The following PSTPIP1 variants were observed in gnomAD, a reference collection of about 807,000 sequenced individuals.
PSTPIP1 encodes proline-serine-threonine phosphatase interacting protein 1.
PSTPIP1 carries 66 observed loss-of-function variants against 69.6 expected under a neutral mutation model. That is an observed-to-expected ratio of 0.95 (90% CI 0.78 to 1.16). PSTPIP1 has a LOEUF of 1.16. Ranked by LOEUF, PSTPIP1 falls within the 50% of genes most tolerant of loss-of-function variation. The probability of loss-of-function intolerance (pLI) is 0.00; values close to 1 mark genes in which losing one functional copy is unlikely to be tolerated. For synonymous variants in PSTPIP1, 266 were observed against 222.7 expected, an observed-to-expected ratio of 1.19 and a Z score of -1.73; for missense variants, 603 against 557.4, an observed-to-expected ratio of 1.08 and a Z score of -0.82.
At position 77,003,422 on chromosome 15, in the gene PSTPIP1, G is replaced by A. The variant is rs555495834; in HGVS notation, c.36+7813G>A. Among the ~76,000 whole-genome samples, 13 of 152,306 alleles carry A rather than the reference G, an allele frequency of 8.5e-5. No individual in the cohort carries two copies. The East Asian group carries it at 2.3e-3, about 27-fold the overall frequency. The stretch of plus-strand genomic sequence containing the variant: ...GGAAATCGGCTTCTTGGGAGGCCGA[G>A]GCGGGTGGATCATCTGAGGTCAGGG... On this transcript the variant is annotated intron_variant, in intron 1 of 14. Coordinates refer to ENST00000558012, the MANE Select transcript of PSTPIP1 (RefSeq NM_003978.5).
In PSTPIP1 at chr15:77,031,048, T is replaced by A; in HGVS notation, c.643-132T>A. On this transcript the variant is annotated intron_variant, in intron 9 of 14. Transcript: ENST00000558012. ...AGTCGGGATGGGGACCCCAGGGCAC[T>A]CTCTCCTTTGGACTGGGCTTCCAGC... 4 of 860,568 alleles carry A rather than the reference T, an allele frequency of 4.6e-6. No homozygotes were observed. The South Asian group carries it at 4.7e-5, about 10-fold the overall frequency. The allele number at this position is 860,568 out of a possible 1,614,324, so 53.3% of individuals were successfully genotyped here. A position where few individuals can be genotyped will look rare whatever the true frequency, so the allele number is the denominator to read the frequency against.
chr15:77,009,119 G>A (rs568435633), intron 1 of PSTPIP1, among the ~76,000 whole-genome samples: 2 of 152,272 alleles, frequency 1.3e-5, no homozygotes, highest in South Asian at 4.1e-4. Context: ...GAGACATGCA[G>A]GTTAATGGCC....
At chr15:77,029,709 A>C in intron 8 of PSTPIP1, 135 bp downstream of exon 8, 1 of 1,058,016 alleles carries the variant, frequency 9.5e-7, no homozygotes, top group Non-Finnish European at 1.4e-6. Flanking sequence ...CATTCCAGAT[A>C]TGTGCCGTCA....
chr15:77,002,867 C>G (rs543809861), intron 1 of PSTPIP1, among the ~76,000 whole-genome samples: 3 of 152,332 alleles, frequency 2.0e-5, no homozygotes, highest in Admixed American at 2.0e-4. Context: ...AGAACTAGGG[C>G]AGCCCCTGGG....
chr15:77,035,847 T>TC lies in PSTPIP1; in HGVS notation c.1032dup (p.Tyr345LeufsTer33). 1 of 1,610,234 alleles carries TC rather than the reference T, an allele frequency of 6.2e-7. No individual in the cohort carries two copies. The highest frequency in any genetic ancestry group is 8.5e-7 in the Non-Finnish European group (1 of 1,179,592). On this transcript the variant is annotated frameshift_variant, in exon 14 of 15. Transcript: ENST00000558012. LOFTEE classifies it high-confidence loss of function. ...CCCACCCCCGAGCGGAATGAGGGTG[T>TC]CTACACAGCCATCGCAGTGCAGGAG... is the stretch of plus-strand genomic sequence containing the variant.
intron 1 of PSTPIP1, among the ~76,000 whole-genome samples, chr15:77,006,911 T>G (rs375161786): frequency 4.6e-5 from 7 of 152,314 alleles, no homozygotes; most frequent in East Asian, 3.9e-4. Flanking sequence ...TTTTCAAGAT[T>G]GTTTTGGCTC....
At chr15:76,994,747 T>A (rs1189122290), upstream of PSTPIP1, 1 of 1,289,072 alleles carries the variant, frequency 7.8e-7, no homozygotes, top group East Asian at 5.6e-5. Flanking sequence ...ATGGGCTCCT[T>A]GAGGGCAGGA....
chr15:76,994,775 A>C, upstream of PSTPIP1: 1 of 1,289,082 alleles, frequency 7.8e-7, no homozygotes. Context: ...TGGGTCCCAG[A>C]GCAGCCAGGG....
In PSTPIP1 at chr15:77,029,524, C is replaced by T; in HGVS notation, c.517-5C>T. 6.3e-7 allele frequency: 1 copy of T among 1,577,808 alleles called. No individual in the cohort carries two copies. The highest frequency in any genetic ancestry group is 8.6e-7 in the Non-Finnish European group (1 of 1,162,792). The stretch of plus-strand genomic sequence containing the variant: ...CTTAGCGCTGCTTCCCCTCTGTTTC[C>T]TCAGAGTCAGAACAAAGCCAGGCAG... On this transcript the variant is annotated splice_region_variant and splice_polypyrimidine_tract_variant and intron_variant, in intron 7 of 14. Transcript: ENST00000558012.
At position 77,028,634 on chromosome 15, in the gene PSTPIP1, C is replaced by G; in HGVS notation, c.498C>G (p.His166Gln). Residue 166 changes from histidine (H) to glutamine (Q), a missense_variant, in exon 7 of 15, where the codon CAC (histidine) becomes CAG (glutamine). Physicochemically the swap from His to Gln is conservative, Grantham distance 24. Coordinates refer to ENST00000558012, the MANE Select transcript of PSTPIP1 (RefSeq NM_003978.5). ...QAFERISANG[H>Q]QKQVEKSQNK... Reference sequence around the variant, plus strand: ...TCGAGCGCATTAGCGCCAACGGCCACCAGAAGCAGGTGGAGAAGGTGCGCT... The same window carrying G: ...TCGAGCGCATTAGCGCCAACGGCCAGCAGAAGCAGGTGGAGAAGGTGCGCT... 22 of 1,579,188 alleles carry G rather than the reference C, an allele frequency of 1.4e-5. No homozygotes were observed. Among genetic ancestry groups the G allele is most frequent in the Non-Finnish European group, 1.9e-5 (22 of 1,164,078 alleles).
chr15:76,999,296 T>G (rs1417790089), intron 1 of PSTPIP1, among the ~76,000 whole-genome samples: 1 of 151,702 alleles, frequency 6.6e-6, no homozygotes, highest in African/African-American at 2.4e-5. Context: ...TTTTTTTTTT[T>G]GAGAAAGAAT....
At position 77,027,734 on chromosome 15, in the gene PSTPIP1, C is replaced by T. The variant is rs1253917038; in HGVS notation, c.355-118C>T. On this transcript the variant is annotated intron_variant, in intron 5 of 14. Transcript: ENST00000558012. The surrounding 1 kb of genome is among the most constrained non-coding windows in gnomAD (Gnocchi z 4.3). ...CTGGGGGAGGGAGGGCAGCCTGTCA[C>T]CCTCTCTCCAGAGCCAGGAGAGGTG... 3 of 1,213,408 alleles carry T rather than the reference C, an allele frequency of 2.5e-6. No individual in the cohort carries two copies. The South Asian group carries it at 3.9e-5, about 16-fold the overall frequency. 75.2% of individuals were successfully genotyped at this position (1,213,408 alleles called of 1,614,324 possible).
At chr15:77,034,476 G>A (rs978821196) in intron 12 of PSTPIP1, among the ~76,000 whole-genome samples, 1 of 152,156 alleles carries the variant, frequency 6.6e-6, no homozygotes, top group African/African-American at 2.4e-5. Context: ...GAATTGCAGG[G>A]CTGCCCCCCA....
intron 1 of PSTPIP1, among the ~76,000 whole-genome samples, chr15:76,998,692 A>G (rs1445392956): frequency 6.6e-6 from 1 of 152,244 alleles, no homozygotes; most frequent in East Asian, 1.9e-4. Flanking sequence ...TCTGAAAAGC[A>G]GCTGTAGTGG....
Position 77,020,877 on chromosome 15 carries a change from G to A in PSTPIP1, c.212+2346G>A, listed in dbSNP as rs539056549. Among the ~76,000 whole-genome samples, 329 of 142,514 alleles carry A rather than the reference G, an allele frequency of 2.3e-3. 4 individuals are homozygous for A. The highest frequency in any genetic ancestry group is 0.018 in the Middle Eastern group (5 of 280). The allele number at this position is 142,514 out of a possible 152,430, so 93.5% of individuals were successfully genotyped here. A position where few individuals can be genotyped will look rare whatever the true frequency, so the allele number is the denominator to read the frequency against. ...TCATCTTAGACTCCTGTGGGGGGGG[G>A]GGGTGTGTGTGTTGGCCCTCAGGAA... On this transcript the variant is annotated intron_variant, in intron 3 of 14. Coordinates refer to ENST00000558012, the MANE Select transcript of PSTPIP1 (RefSeq NM_003978.5).
At chr15:77,011,539 G>T (rs935716568) in intron 1 of PSTPIP1, among the ~76,000 whole-genome samples, 1 of 152,242 alleles carries the variant, frequency 6.6e-6, no homozygotes, top group East Asian at 1.9e-4. Context: ...GGTGAACAAA[G>T]AGTCGCTCAT....
chr15:77,035,417 C>T, intron 12 of PSTPIP1, 91 bp from the exon 13 acceptor site: 1 of 1,357,504 alleles, frequency 7.4e-7, no homozygotes, highest in Non-Finnish European at 1.0e-6. Context: ...GCGCGTGCAG[C>T]TCTGAGACCT....
intron 1 of PSTPIP1, among the ~76,000 whole-genome samples, chr15:77,016,548 G>A (rs2076056460): frequency 6.6e-6 from 1 of 152,152 alleles, no homozygotes. Flanking sequence ...GGCTAGACAC[G>A]CTGCTTGTTG....
chr15:77,036,022 C>G, intron 14 of PSTPIP1, 87 bp downstream of exon 14: 3 of 1,438,930 alleles, frequency 2.1e-6, no homozygotes, highest in Non-Finnish European at 2.8e-6. Context: ...GCGTCCTCAT[C>G]TCTCCTCATG....
Sources: gnomAD v4.1 joint callset for allele counts (sites outside exome capture counted in the v4.1 genomes callset) on GRCh38, gnomAD v4.1.1 for gene constraint, Gnocchi (gnomAD v3.1) non-coding constraint, MANE v1.5 for transcripts, NCBI Gene and HGNC (gene_info 2026-07-23, HGNC 2026-07-21) for gene names.